The following SCRG1 variants were observed in gnomAD, a reference collection of about 807,000 sequenced individuals.
SCRG1 encodes the protein scrapie-responsive protein 1.
Under a neutral mutation model 7.7 loss-of-function variants are expected in SCRG1, and 3 were observed. The observed-to-expected ratio is 0.39, with a 90% CI of 0.18 to 1.01. The LOEUF (loss-of-function observed/expected upper bound fraction) is 1.01, where lower values mean the gene tolerates loss of function less well. SCRG1 is among the 50% of genes least tolerant of loss of function. SCRG1 has a pLI of 0.36. For synonymous variants in SCRG1, 46 were observed against 41.2 expected (o/e 1.12, Z -0.44); for missense variants, 110 against 117.2 (o/e 0.94, Z 0.28).
chr4:173,509,539 G>A, the SCRG1 span, among the ~76,000 whole-genome samples: 4 of 152,222 alleles, frequency 2.6e-5, no homozygotes, highest in Non-Finnish European at 5.9e-5. The surrounding 1 kb of genome is among the most constrained non-coding windows in gnomAD (Gnocchi z 5.7). Context: ...CCTCTCCCCA[G>A]GGCTGTGCGC....
chr4:173,455,556 A>G, the SCRG1 span, among the ~76,000 whole-genome samples: 1 of 152,174 alleles, frequency 6.6e-6, no homozygotes, highest in South Asian at 2.1e-4. Context: ...GGCCTTACTC[A>G]GACCCATCAT....
the SCRG1 span, among the ~76,000 whole-genome samples, chr4:173,511,760 T>G: frequency 6.6e-6 from 1 of 152,092 alleles, no homozygotes; most frequent in South Asian, 2.1e-4. The surrounding 1 kb of genome is among the most constrained non-coding windows in gnomAD (Gnocchi z 5.2). Flanking sequence ...ATATATGTTA[T>G]GTAATATATA....
rs1229760786 is a variant in SCRG1 at position 173,385,331 on chromosome 4, A to T, written c.*3010T>A. On this transcript the variant is annotated 3_prime_UTR_variant, in exon 3 of 3. Transcript: ENST00000296506. ...TAAAAAATACAAAAATTAGCTGAGC[A>T]TGGTGACAAGTGCCTGTAGTCCCAG... 4 of 152,270 alleles carry T rather than the reference A, an allele frequency of 2.6e-5. No homozygotes were observed. In the East Asian group the frequency reaches 7.7e-4, roughly 29 times the overall value. The allele number at this position is 152,270 out of a possible 1,614,324, so 9.4% of individuals were successfully genotyped here. A position where few individuals can be genotyped will look rare whatever the true frequency, so the allele number is the denominator to read the frequency against.
chr4:173,429,989 G>A, the SCRG1 span, among the ~76,000 whole-genome samples: 3 of 53,568 alleles, frequency 5.6e-5, no homozygotes, highest in African/African-American at 1.6e-4. Context: ...CTGATCTTTT[G>A]ATGGCTATGG....
chr4:173,427,528 A>G, the SCRG1 span, among the ~76,000 whole-genome samples: 1 of 152,232 alleles, frequency 6.6e-6, no homozygotes, highest in Non-Finnish European at 1.5e-5. Context: ...GAATGCCGTG[A>G]TCTTGAGATA....
chr4:173,469,780 C>T, the SCRG1 span: 3 of 152,224 alleles, frequency 2.0e-5, no homozygotes, highest in African/African-American at 7.2e-5. Context: ...AGGGAAGAAT[C>T]GTTCTCCAGC....
At chr4:173,415,628 T>G in the SCRG1 span, among the ~76,000 whole-genome samples, 1 of 152,222 alleles carries the variant, frequency 6.6e-6, no homozygotes, top group Non-Finnish European at 1.5e-5. Context: ...CGACCTTTAT[T>G]TCTCATGGCA....
the SCRG1 span, among the ~76,000 whole-genome samples, chr4:173,516,460 T>C: frequency 2.0e-5 from 3 of 152,230 alleles, no homozygotes; most frequent in Non-Finnish European, 4.4e-5. Context: ...AAGAAAGCAC[T>C]GGTATCAAGG....
At position 173,388,290 on chromosome 4, in the gene SCRG1, T is replaced by C; in HGVS notation, c.*51A>G. Reference sequence around the variant, plus strand: ...TAGAAATGCAGTTATACTGATGTAGTGCAGTTTGTGGGAAATCAGGAATGG... The same window carrying C: ...TAGAAATGCAGTTATACTGATGTAGCGCAGTTTGTGGGAAATCAGGAATGG... On this transcript the variant is annotated 3_prime_UTR_variant, in exon 3 of 3. Coordinates refer to ENST00000296506, the MANE Select transcript of SCRG1 (RefSeq NM_007281.4). 3.1e-6 allele frequency: 4 copies of C among 1,272,946 alleles called. No individual in the cohort carries two copies. The highest frequency in any genetic ancestry group is 3.4e-6 in the Non-Finnish European group (3 of 875,230). The allele number at this position is 1,272,946 out of a possible 1,614,324, so 78.9% of individuals were successfully genotyped here.
At chr4:173,461,513 G>A in the SCRG1 span, among the ~76,000 whole-genome samples, 2 of 152,216 alleles carry the variant, frequency 1.3e-5, no homozygotes, top group Non-Finnish European at 1.5e-5. Flanking sequence ...TGCGCTTGGG[G>A]TGCCCCTTAA....
the SCRG1 span, among the ~76,000 whole-genome samples, chr4:173,414,184 C>T: frequency 1.1e-4 from 16 of 152,166 alleles, no homozygotes. Flanking sequence ...AACACTTTGG[C>T]CACTCCTCTG....
the SCRG1 span, among the ~76,000 whole-genome samples, chr4:173,425,892 A>T: frequency 1.3e-5 from 2 of 152,338 alleles, no homozygotes; most frequent in East Asian, 3.9e-4. Flanking sequence ...AATGGGCCAG[A>T]CAATCCAAGA....
chr4:173,449,078 A>G, the SCRG1 span, among the ~76,000 whole-genome samples: 3 of 152,218 alleles, frequency 2.0e-5, no homozygotes, highest in African/African-American at 7.2e-5. Flanking sequence ...TCCAGTGTAC[A>G]TTTGGGAACT....
the SCRG1 span, among the ~76,000 whole-genome samples, chr4:173,414,304 T>C: frequency 2.4e-4 from 37 of 152,220 alleles, no homozygotes; most frequent in Middle Eastern, 3.2e-3. Flanking sequence ...CTCACCAGTT[T>C]CTTTAAAATC....
Position 173,386,761 on chromosome 4 carries a change from C to T in SCRG1, c.*1580G>A, listed in dbSNP as rs1739259890. 1 of 152,174 alleles carries T rather than the reference C, an allele frequency of 6.6e-6. No individual in the cohort carries two copies. The highest frequency in any genetic ancestry group is 2.4e-5 in the African/African-American group (1 of 41,448). The allele number at this position is 152,174 out of a possible 1,614,324, so 9.4% of individuals were successfully genotyped here. A position where few individuals can be genotyped will look rare whatever the true frequency, so the allele number is the denominator to read the frequency against. On this transcript the variant is annotated 3_prime_UTR_variant, in exon 3 of 3. Transcript: ENST00000296506. ...TCCCCACAATACTTTGTATGGCACCCTATACTTCTCTGTAGCAGGCTTCAC... is the reference window on the plus strand; with the variant it reads ...TCCCCACAATACTTTGTATGGCACCTTATACTTCTCTGTAGCAGGCTTCAC...
At chr4:173,482,915 T>A in the SCRG1 span, among the ~76,000 whole-genome samples, 1 of 139,202 alleles carries the variant, frequency 7.2e-6, no homozygotes, top group African/African-American at 2.7e-5. Flanking sequence ...ATTAAATATA[T>A]AATACATATA....
At chr4:173,517,632 A>G in the SCRG1 span, among the ~76,000 whole-genome samples, 1 of 152,244 alleles carries the variant, frequency 6.6e-6, no homozygotes, top group African/African-American at 2.4e-5. Flanking sequence ...TTTCTGGTAT[A>G]AAATAGGGCC....
the SCRG1 span, among the ~76,000 whole-genome samples, chr4:173,458,362 A>G: frequency 6.6e-6 from 1 of 152,234 alleles, no homozygotes; most frequent in Admixed American, 6.5e-5. Context: ...ATGTTCTAGT[A>G]ACCACATCAA....
At chr4:173,430,205 G>A in the SCRG1 span, among the ~76,000 whole-genome samples, 1 of 152,154 alleles carries the variant, frequency 6.6e-6, no homozygotes, top group Non-Finnish European at 1.5e-5. Context: ...TTTGTGCTTG[G>A]CCTGATCTAC....
Sources: allele counts gnomAD v4.1 joint callset (sites outside exome capture counted in the v4.1 genomes callset), GRCh38; gene constraint gnomAD v4.1.1; non-coding constraint Gnocchi (gnomAD v3.1); transcripts MANE v1.5; gene names NCBI Gene and HGNC (gene_info 2026-07-23, HGNC 2026-07-21).